HDLBP: variants seen among roughly 807,000 people sequenced by gnomAD.
The protein encoded by HDLBP is vigilin.
Under a neutral mutation model 137.3 loss-of-function variants are expected in HDLBP, and 30 were observed. The ratio of observed to expected loss-of-function variants is 0.22; its 90% confidence interval spans 0.16 to 0.30. The LOEUF (loss-of-function observed/expected upper bound fraction) is 0.30. Ranked by LOEUF, HDLBP falls within the 10% of genes least tolerant of loss-of-function variation. The probability of loss-of-function intolerance (pLI) is 1.00; values close to 1 mark genes in which losing one functional copy is unlikely to be tolerated. For missense variants in HDLBP, 1,119 were observed against 1,667.3 expected, an observed-to-expected ratio of 0.67 and a Z score of 5.73; for synonymous variants, 606 against 596.0, an observed-to-expected ratio of 1.02 and a Z score of -0.24.
intron 1 of HDLBP, among the ~76,000 whole-genome samples, chr2:241,299,361 AC>A (rs1221612997): frequency 2.0e-5 from 3 of 151,824 alleles, no homozygotes; most frequent in African/African-American, 7.3e-5. Context: ...TACTAAAAAT[AC>A]AAAAATTAGC....
intron 4 of HDLBP, among the ~76,000 whole-genome samples, chr2:241,264,029 G>A (rs2073427277): frequency 7.1e-6 from 1 of 141,410 alleles, no homozygotes; most frequent in Non-Finnish European, 1.6e-5. Context: ...TTCTACGCTT[G>A]GAAGGATAGG....
At chr2:241,288,248 T>A (rs907017096) in intron 1 of HDLBP, among the ~76,000 whole-genome samples, 4 of 151,998 alleles carry the variant, frequency 2.6e-5, no homozygotes, top group African/African-American at 7.2e-5. Flanking sequence ...TGAATTAAAA[T>A]TTTTTTTTGT....
intron 1 of HDLBP, among the ~76,000 whole-genome samples, chr2:241,299,505 CAAAAAA>C (rs11423330): frequency 0.033 from 1,645 of 49,570 alleles, 38 homozygotes; most frequent in African/African-American, 0.12. Context: ...GGCTCCGTCT[CAAAAAA>C]AAAAAAAAAA....
chr2:241,308,637 T>C (rs1049730648), intron 1 of HDLBP, among the ~76,000 whole-genome samples: 1 of 152,134 alleles, frequency 6.6e-6, no homozygotes, highest in African/African-American at 2.4e-5. Context: ...CAGACCTGGG[T>C]AGATGGTAGA....
At chr2:241,313,320 C>A (rs2075809658) in intron 1 of HDLBP, among the ~76,000 whole-genome samples, 1 of 152,176 alleles carries the variant, frequency 6.6e-6, no homozygotes, top group African/African-American at 2.4e-5. Context: ...CACTCTGTCG[C>A]CCAGGCTAGA....
Position 241,272,614 on chromosome 2 carries a change from TGGGGCCC to T in HDLBP, c.-102-4080_-102-4074del. 1.0e-6 allele frequency: 1 copy of T among 980,514 alleles called. No homozygotes were observed. The highest frequency in any genetic ancestry group is 1.2e-6 in the Non-Finnish European group (1 of 827,182). 60.7% of individuals were successfully genotyped at this position (980,514 alleles called of 1,614,324 possible). A position where few individuals can be genotyped will look rare whatever the true frequency, so the allele number is the denominator to read the frequency against. ...ACACCCGCGGGCGGGGGCCGCAGCC[TGGGGCCC>T]GGGTGGGGGCCGCGGCACCCGGGCC... On this transcript the variant is annotated intron_variant, in intron 1 of 27. Coordinates refer to ENST00000310931, the MANE Select transcript of HDLBP (RefSeq NM_005336.6). The surrounding 1 kb of genome is among the most constrained non-coding windows in gnomAD (Gnocchi z 5.6).
rs1398384700 is a variant in HDLBP at position 241,235,485 on chromosome 2, T to C, written c.3009+5A>G. 1.2e-6 allele frequency: 2 copies of C among 1,609,974 alleles called. No homozygotes were observed. The highest frequency in any genetic ancestry group is 3.3e-5 in the Admixed American group (2 of 59,958). On this transcript the variant is annotated splice_donor_5th_base_variant and intron_variant, in intron 22 of 27. Coordinates refer to ENST00000310931, the MANE Select transcript of HDLBP (RefSeq NM_005336.6). The stretch of plus-strand genomic sequence containing the variant: ...GTGACATGGCCTCCCGGGAAAGGGG[T>C]CTACCTCAAACTCATCCATCATCTT...
intron 9 of HDLBP, among the ~76,000 whole-genome samples, chr2:241,254,407 T>C (rs146397071): frequency 5.5e-4 from 84 of 152,310 alleles, no homozygotes; most frequent in African/African-American, 1.9e-3. Flanking sequence ...TCCTGGGGGC[T>C]ACAATCTCCT....
intron 27 of HDLBP, 49 bp downstream of exon 27, chr2:241,229,784 G>GGCCC (rs1574820986): frequency 9.3e-6 from 14 of 1,502,492 alleles, no homozygotes; most frequent in South Asian, 2.4e-5. Flanking sequence ...AAGCCCGCCT[G>GGCCC]CCCGCCCACC....
At chr2:241,288,154 A>G (rs184929692) in intron 1 of HDLBP, among the ~76,000 whole-genome samples, 9 of 152,376 alleles carry the variant, frequency 5.9e-5, no homozygotes, top group Admixed American at 1.3e-4. Context: ...CAGGTACTAC[A>G]AATCAGTGAA....
At chr2:241,287,420 C>CT (rs57462994) in intron 1 of HDLBP, among the ~76,000 whole-genome samples, 6,827 of 135,336 alleles carry the variant, frequency 0.05, 483 homozygotes, top group Admixed American at 0.2. Flanking sequence ...TTCTTTCTTT[C>CT]TTTTTTTTTT....
intron 1 of HDLBP, among the ~76,000 whole-genome samples, chr2:241,314,083 C>T (rs1272903454): frequency 6.6e-6 from 1 of 152,164 alleles, no homozygotes; most frequent in Non-Finnish European, 1.5e-5. Context: ...TTCCCCAAGT[C>T]TAAAACTTGA....
intron 9 of HDLBP, among the ~76,000 whole-genome samples, chr2:241,254,050 T>C (rs1324221669): frequency 6.6e-6 from 1 of 152,134 alleles, no homozygotes; most frequent in Non-Finnish European, 1.5e-5. Context: ...TTTGGGAGGC[T>C]GAGGTAGGAG....
At position 241,240,129 on chromosome 2, in the gene HDLBP, A is replaced by G. The variant is rs1351418016; in HGVS notation, c.2170-7T>C. On this transcript the variant is annotated splice_polypyrimidine_tract_variant and splice_region_variant and intron_variant, in intron 17 of 27. Coordinates refer to ENST00000310931, the MANE Select transcript of HDLBP (RefSeq NM_005336.6). This position sits in a 1 kb window ranked among gnomAD's most constrained non-coding sequence, Gnocchi z 5.5. Reference sequence around the variant, plus strand: ...CAGTGAAACTCTTGGTTTGCTGCAGAAACCAATCCCACTGTGTTAGCCTGA... The same window carrying G: ...CAGTGAAACTCTTGGTTTGCTGCAGGAACCAATCCCACTGTGTTAGCCTGA... 3 of 1,613,854 alleles carry G rather than the reference A, an allele frequency of 1.9e-6. No homozygotes were observed. The highest frequency in any genetic ancestry group is 8.5e-7 in the Non-Finnish European group (1 of 1,179,880).
At chr2:241,237,167 A>G (rs1051401848) in intron 20 of HDLBP, among the ~76,000 whole-genome samples, 1 of 152,230 alleles carries the variant, frequency 6.6e-6, no homozygotes, top group Non-Finnish European at 1.5e-5. Flanking sequence ...ACTGTGAGGC[A>G]GGGCTCATCA....
chr2:241,237,542 T>C (rs1427315142), intron 20 of HDLBP, among the ~76,000 whole-genome samples: 1 of 152,156 alleles, frequency 6.6e-6, no homozygotes, highest in Non-Finnish European at 1.5e-5. Flanking sequence ...GATGGGGAAG[T>C]AGGTGTTTCT....
At chr2:241,315,298 G>C (rs923121915) in intron 1 of HDLBP, 1 of 152,230 alleles carries the variant, frequency 6.6e-6, no homozygotes, top group Non-Finnish European at 1.5e-5. Flanking sequence ...CGATCATCGA[G>C]ACGGCGGCGG....
chr2:241,296,485 G>T (rs1039542228), intron 1 of HDLBP, among the ~76,000 whole-genome samples: 1 of 152,180 alleles, frequency 6.6e-6, no homozygotes. Context: ...GGAAGATATT[G>T]ATTTATTTGA....
intron 1 of HDLBP, among the ~76,000 whole-genome samples, chr2:241,295,492 C>A (rs919834611): frequency 6.6e-6 from 1 of 152,178 alleles, no homozygotes; most frequent in Non-Finnish European, 1.5e-5. Context: ...CACACATATA[C>A]ACGAGAAGCC....
Sources: allele counts gnomAD v4.1 joint callset (sites outside exome capture counted in the v4.1 genomes callset), GRCh38; gene constraint gnomAD v4.1.1; non-coding constraint Gnocchi (gnomAD v3.1); transcripts MANE v1.5; gene names NCBI Gene and HGNC (gene_info 2026-07-23, HGNC 2026-07-21).